Variants in EEA1 observed in about 807,000 individuals in gnomAD.
EEA1 encodes early endosome antigen 1, 162kD.
In EEA1, 111 loss-of-function variants were observed where a neutral mutation model predicts 209.2. The observed-to-expected ratio is 0.53, with a 90% CI of 0.45 to 0.62. The LOEUF (loss-of-function observed/expected upper bound fraction) is 0.62, where lower values mean the gene tolerates loss of function less well. EEA1 is among the 20% of genes least tolerant of loss of function. EEA1 has a pLI of 0.00. For missense variants in EEA1, 1,343 were observed against 1,530.8 expected, an observed-to-expected ratio of 0.88 and a Z score of 2.05; for synonymous variants, 536 against 540.6, an observed-to-expected ratio of 0.99 and a Z score of 0.12.
chr12:92,833,011 T>A (rs1876732218), intron 10 of EEA1, among the ~76,000 whole-genome samples, 161 bp from the exon 11 acceptor site: 1 of 152,166 alleles, frequency 6.6e-6, no homozygotes, highest in Non-Finnish European at 1.5e-5. Context: ...AATCATTACA[T>A]ACTAACTTGT....
At chr12:92,833,293 AC>A (rs1309904464) in intron 10 of EEA1, among the ~76,000 whole-genome samples, 1 of 152,202 alleles carries the variant, frequency 6.6e-6, no homozygotes, top group African/African-American at 2.4e-5. Context: ...GTTCTAATGC[AC>A]CTAACCTATT....
chr12:92,921,743 G>A (rs1453610156), intron 1 of EEA1, among the ~76,000 whole-genome samples: 1 of 106,736 alleles, frequency 9.4e-6, no homozygotes, highest in Admixed American at 1.1e-4. Context: ...AAAACTTAAA[G>A]TATAATAAAA....
intron 17 of EEA1, among the ~76,000 whole-genome samples, chr12:92,809,592 C>T (rs539480694): frequency 1.2e-3 from 175 of 149,104 alleles, no homozygotes; most frequent in Non-Finnish European, 2.0e-3. Flanking sequence ...CTACTCAAGA[C>T]GCCGAGGCAG....
At chr12:92,790,447 T>C (rs988567508) in intron 21 of EEA1, among the ~76,000 whole-genome samples, 4 of 152,096 alleles carry the variant, frequency 2.6e-5, no homozygotes, top group Non-Finnish European at 5.9e-5. Context: ...AGTGTAGAGA[T>C]GGAGCTGAAA....
In EEA1 at chr12:92,900,656, G is replaced by GC. The variant is rs1880107036; in HGVS notation, c.25-8936_25-8935insG. 2.1e-5 allele frequency among the ~76,000 whole-genome samples: 3 copies of GC among 140,692 alleles called. No homozygotes were observed. The South Asian group carries it at 6.8e-4, about 32-fold the overall frequency. The allele number at this position is 140,692 out of a possible 152,430, so 92.3% of individuals were successfully genotyped here. On this transcript the variant is annotated intron_variant, in intron 1 of 28. Transcript: ENST00000322349. The stretch of plus-strand genomic sequence containing the variant: ...AGCATTTAAATTTTTTTTTGTAGTT[G>GC]TTTTTTTTTTTTGTCTTGTTTTATT...
At position 92,777,649 on chromosome 12, in the gene EEA1, T is replaced by C; in HGVS notation, c.3908A>G (p.Glu1303Gly). 1.2e-6 allele frequency: 2 copies of C among 1,611,572 alleles called. No individual in the cohort carries two copies. Among genetic ancestry groups the C allele is most frequent in the Non-Finnish European group, 1.7e-6 (2 of 1,178,622 alleles). The part of the protein sequence containing the change: ...RALLERCLKG[E>G]GEIEKLQTKV... ...GGTTTGAAGCTTTTCTATTTCACCTTCTCCTTTAAGACATCTGGAATAGAT... is the reference window on the plus strand; with the variant it reads ...GGTTTGAAGCTTTTCTATTTCACCTCCTCCTTTAAGACATCTGGAATAGAT... Residue 1303 changes from glutamate (E) to glycine (G), a missense_variant, in exon 27 of 29, where the codon GAA becomes GGA. Physicochemically the swap from Glu to Gly is moderately conservative, Grantham distance 98 (BLOSUM62 -2). Around this residue, in one of 3 missense-constraint regions of EEA1, gnomAD observed 1,307 missense variants for 1,465.5 expected, o/e 0.89. Transcript: ENST00000322349.
intron 1 of EEA1, among the ~76,000 whole-genome samples, chr12:92,925,799 C>T (rs1048738822): frequency 4.6e-5 from 7 of 152,042 alleles, no homozygotes; most frequent in African/African-American, 1.7e-4. Flanking sequence ...AGCAGGAGAA[C>T]CAGAAACCAA....
At chr12:92,805,110 G>A (rs1342286906) in intron 18 of EEA1, among the ~76,000 whole-genome samples, 1 of 152,176 alleles carries the variant, frequency 6.6e-6, no homozygotes, top group Admixed American at 6.5e-5. Flanking sequence ...CAGAGTTTTT[G>A]AGGAACAGAA....
chr12:92,876,219 C>T (rs1878875649), intron 2 of EEA1, among the ~76,000 whole-genome samples: 1 of 151,700 alleles, frequency 6.6e-6, no homozygotes. Flanking sequence ...AATACAGGTG[C>T]ATGCCACCAC....
intron 1 of EEA1, among the ~76,000 whole-genome samples, chr12:92,898,863 G>A (rs536703578): frequency 1.4e-5 from 2 of 144,228 alleles, no homozygotes; most frequent in South Asian, 2.2e-4. Context: ...TTACAGGCAT[G>A]AGCCACTGCA....
chr12:92,891,659 T>C lies in EEA1; in HGVS notation c.87A>G (p.Thr29=), dbSNP rs1879659070. The stretch of plus-strand genomic sequence containing the variant: ...AAGAGCTTTCATTATTGACGTCCAC[T>C]GTGTTTATAGGAGTTGCTGATGAAT... ...DLDSSATPIN[T]VDVNNESSSE... Residue 29 remains threonine (T), a synonymous_variant, in exon 2 of 29, where the codon ACA becomes ACG. Transcript: ENST00000322349. 2 of 1,609,226 alleles carry C rather than the reference T, an allele frequency of 1.2e-6. No individual in the cohort carries two copies. Among genetic ancestry groups the C allele is most frequent in the Admixed American group, 1.7e-5 (1 of 59,416 alleles).
intron 2 of EEA1, among the ~76,000 whole-genome samples, chr12:92,877,111 AT>A (rs927142404): frequency 1.2e-4 from 17 of 147,816 alleles, no homozygotes; most frequent in Admixed American, 6.7e-4. Context: ...GTCCAGCTAA[AT>A]TTTTTTTCTT....
At chr12:92,909,632 A>T (rs1315677556) in intron 1 of EEA1, among the ~76,000 whole-genome samples, 1 of 152,256 alleles carries the variant, frequency 6.6e-6, no homozygotes, top group Non-Finnish European at 1.5e-5. Context: ...GGCCTTTAAA[A>T]GGTGACTAGG....
intron 1 of EEA1, among the ~76,000 whole-genome samples, chr12:92,902,902 T>C (rs1354744576): frequency 6.6e-6 from 1 of 151,974 alleles, no homozygotes; most frequent in Non-Finnish European, 1.5e-5. Flanking sequence ...ATGAAGAAAC[T>C]GTTAACTAAA....
At chr12:92,924,548 A>T (rs1381712075) in intron 1 of EEA1, among the ~76,000 whole-genome samples, 2 of 152,098 alleles carry the variant, frequency 1.3e-5, no homozygotes, top group African/African-American at 4.8e-5. Flanking sequence ...TCTCAACTTT[A>T]TAAGGAGGCT....
chr12:92,855,448 A>C (rs1289654246), intron 5 of EEA1, among the ~76,000 whole-genome samples: 1 of 151,996 alleles, frequency 6.6e-6, no homozygotes, highest in Non-Finnish European at 1.5e-5. Context: ...AAAAAAAAAA[A>C]AAATGCTATC....
chr12:92,928,936 G>C (rs1881318338), intron 1 of EEA1, 107 bp downstream of exon 1: 3 of 1,247,840 alleles, frequency 2.4e-6, no homozygotes, highest in African/African-American at 1.6e-5. Flanking sequence ...GGGCTGTGGG[G>C]CCTAGGGAAG....
At chr12:92,856,370 C>T (rs1030848354) in intron 5 of EEA1, among the ~76,000 whole-genome samples, 1 of 152,032 alleles carries the variant, frequency 6.6e-6, no homozygotes, top group Non-Finnish European at 1.5e-5. Flanking sequence ...TCAAAAAAAT[C>T]CTATTCAAAG....
Position 92,819,326 on chromosome 12 carries a change from GT to G in EEA1, c.1709del (p.Asn570ThrfsTer8). 6.2e-7 allele frequency: 1 copy of G among 1,610,074 alleles called. No individual in the cohort carries two copies. Among genetic ancestry groups the G allele is most frequent in the Non-Finnish European group, 8.5e-7 (1 of 1,178,494 alleles). ...AGCTTACTTGCTCCTGTAGTGTATG[GT>G]TTTTTTCTTGTAACTGGTTAAGAAC... ...TAVLNQLQEK[N>X]HTLQEQVTQL... On this transcript the variant is annotated frameshift_variant, in exon 14 of 29. Transcript: ENST00000322349. LOFTEE classifies it high-confidence loss of function.
Sources: gnomAD v4.1 joint callset for allele counts (sites outside exome capture counted in the v4.1 genomes callset) on GRCh38, gnomAD v4.1.1 for gene constraint, gnomAD v4.1.1 regional missense constraint, MANE v1.5 for transcripts, NCBI Gene and HGNC (gene_info 2026-07-23, HGNC 2026-07-21) for gene names.